Variants in ADAMTSL1 observed in about 807,000 individuals in gnomAD.
The protein encoded by ADAMTSL1 is ADAMTS like 1, also known as ADAMTS-like protein 1.
Under a neutral mutation model 201.8 loss-of-function variants are expected in ADAMTSL1, and 126 were observed. The ratio of observed to expected loss-of-function variants is 0.62; its 90% CI spans 0.54 to 0.72. The LOEUF (loss-of-function observed/expected upper bound fraction) is 0.72. ADAMTSL1 is among the 30% of genes least tolerant of loss of function. The probability of loss-of-function intolerance (pLI) is 0.00; values close to 1 mark genes in which losing one functional copy is unlikely to be tolerated. For missense variants in ADAMTSL1, 2,679 were observed against 2,277.8 expected (o/e 1.18, Z -3.59); for synonymous variants, 1,121 against 903.4 (o/e 1.24, Z -4.32).
At position 18,659,339 on chromosome 9, in the gene ADAMTSL1, T is replaced by A. The variant is rs575650148; in HGVS notation, c.946+1589T>A. 3.4e-4 allele frequency among the ~76,000 whole-genome samples: 52 copies of A among 152,374 alleles called. No individual in the cohort carries two copies. In the South Asian group the frequency reaches 0.011, roughly 31 times the overall value. On this transcript the variant is annotated intron_variant, in intron 8 of 28. Transcript: ENST00000380548. ...TGTGGTTCTATGGAGCAATGTTGGA[T>A]TTTAGCTTAAAAGAAGTCAGTAGAA...
rs533672606 is a variant in ADAMTSL1, at chr9:18,635,740, A to G, written c.602-203A>G. ...TTTTTAAAAGGCCAAATCCTCTAGG[A>G]GTTAACTAGTGACTAGCATCTTTGG... On this transcript the variant is annotated intron_variant, in intron 5 of 28. Coordinates refer to ENST00000380548, the MANE Select transcript of ADAMTSL1 (RefSeq NM_001040272.6). Among the ~76,000 whole-genome samples, 10 of 152,344 alleles carry G rather than the reference A, an allele frequency of 6.6e-5. No homozygotes were observed. The East Asian group carries it at 1.7e-3, about 26-fold the overall frequency.
At chr9:18,486,867 C>T (rs1587351325) in intron 1 of ADAMTSL1, among the ~76,000 whole-genome samples, 1 of 152,304 alleles carries the variant, frequency 6.6e-6, no homozygotes, top group East Asian at 1.9e-4. Flanking sequence ...TCTGTTTTCT[C>T]ACCAAATAGC....
chr9:18,583,302 G>T lies in ADAMTSL1; in HGVS notation c.474+9036G>T, dbSNP rs140269302. Among the ~76,000 whole-genome samples, 744 of 152,256 alleles carry T rather than the reference G, an allele frequency of 4.9e-3. 27 individuals are homozygous for T. Among genetic ancestry groups the T allele is most frequent in the Admixed American group, 0.043 (654 of 15,300 alleles). On this transcript the variant is annotated intron_variant, in intron 4 of 28. Transcript: ENST00000380548. ...TGAAAGGGGTCAAGGTAGGGCTCGG[G>T]CCGTAGCTTCAGAGGGTGCAAGCCC...
intron 1 of ADAMTSL1, among the ~76,000 whole-genome samples, chr9:18,030,969 A>G (rs559899106): frequency 4.7e-4 from 72 of 152,204 alleles, no homozygotes; most frequent in African/African-American, 1.6e-3. Flanking sequence ...AAGGCTTTCA[A>G]TTGTATTTTA....
At chr9:18,156,637 T>TACACAC (rs56324477) in intron 1 of ADAMTSL1, among the ~76,000 whole-genome samples, 5,003 of 150,316 alleles carry the variant, frequency 0.033, 126 homozygotes, top group African/African-American at 0.058. Context: ...CATAAACACA[T>TACACAC]ACACACACAC....
At position 18,411,162 on chromosome 9, in the gene ADAMTSL1, CTTTA is replaced by C. The variant is rs35217994; in HGVS notation, c.208-93635_208-93632del. On this transcript the variant is annotated intron_variant, in intron 2 of 29. Transcript: ENST00000680146. The stretch of plus-strand genomic sequence containing the variant: ...CAGGCGTGAGCCACTGCACCCAGCC[CTTTA>C]TTTATTTATTTATTTATTTATTTAT... 3.4e-3 allele frequency among the ~76,000 whole-genome samples: 487 copies of C among 142,338 alleles called. 4 individuals carry two copies. Among genetic ancestry groups the C allele is most frequent in the African/African-American group, 0.011 (401 of 37,846 alleles). The allele number at this position is 142,338 out of a possible 152,430, so 93.4% of individuals were successfully genotyped here.
At chr9:18,699,546 T>A (rs1361043864) in intron 13 of ADAMTSL1, among the ~76,000 whole-genome samples, 1 of 152,070 alleles carries the variant, frequency 6.6e-6, no homozygotes, top group Admixed American at 6.6e-5. Context: ...CCCAGGCTGG[T>A]CTCAAACTCT....
chr9:18,438,655 G>C (rs1819859458), intron 2 of ADAMTSL1, among the ~76,000 whole-genome samples: 1 of 152,156 alleles, frequency 6.6e-6, no homozygotes, highest in African/African-American at 2.4e-5. Context: ...AGCACCGCAG[G>C]CTTCCTCCTC....
At chr9:18,314,250 G>C (rs1834272465) in intron 2 of ADAMTSL1, among the ~76,000 whole-genome samples, 1 of 152,170 alleles carries the variant, frequency 6.6e-6, no homozygotes, top group Admixed American at 6.5e-5. Context: ...ATGTAAATTA[G>C]TTCAGCCAAT....
intron 1 of ADAMTSL1, among the ~76,000 whole-genome samples, chr9:17,996,028 T>C (rs1819365082): frequency 6.6e-6 from 1 of 152,042 alleles, no homozygotes; most frequent in Non-Finnish European, 1.5e-5. Flanking sequence ...TTTATAAATG[T>C]GGGTTGTTAT....
At chr9:18,764,794 AGC>A in intron 16 of ADAMTSL1, among the ~76,000 whole-genome samples, 1 of 152,348 alleles carries the variant, frequency 6.6e-6, no homozygotes, top group South Asian at 2.1e-4. Flanking sequence ...ATATCCTAAA[AGC>A]TTTATGTATA....
chr9:18,466,439 C>T (rs1159224292), intron 2 of ADAMTSL1, among the ~76,000 whole-genome samples: 1 of 152,078 alleles, frequency 6.6e-6, no homozygotes, highest in Non-Finnish European at 1.5e-5. Context: ...ACCATAATTT[C>T]AAGTAGGAAA....
At chr9:18,140,426 T>C (rs1826348281) in intron 1 of ADAMTSL1, among the ~76,000 whole-genome samples, 2 of 151,932 alleles carry the variant, frequency 1.3e-5, no homozygotes, top group Admixed American at 6.6e-5. Flanking sequence ...CATCCAAGAG[T>C]CCTGTCTCCC....
intron 1 of ADAMTSL1, among the ~76,000 whole-genome samples, chr9:18,068,628 T>G (rs1024651262): frequency 2.6e-5 from 4 of 152,044 alleles, no homozygotes; most frequent in African/African-American, 9.7e-5. Context: ...CAAGCAGAGG[T>G]TCTCAGCTGG....
At chr9:18,714,220 G>T (rs546128644) in intron 14 of ADAMTSL1, among the ~76,000 whole-genome samples, 3 of 151,768 alleles carry the variant, frequency 2.0e-5, no homozygotes, top group Admixed American at 1.3e-4. Context: ...ACATTCAAAA[G>T]CTAGCAGAAG....
At chr9:18,831,822 C>T (rs1440459256) in intron 23 of ADAMTSL1, among the ~76,000 whole-genome samples, 2 of 152,142 alleles carry the variant, frequency 1.3e-5, no homozygotes, top group Non-Finnish European at 2.9e-5. Flanking sequence ...AACTAGGAGA[C>T]TCACATGGAA....
At chr9:18,702,268 T>C (rs1831967140) in intron 13 of ADAMTSL1, among the ~76,000 whole-genome samples, 3 of 152,158 alleles carry the variant, frequency 2.0e-5, no homozygotes, top group African/African-American at 7.2e-5. Context: ...ATATCAAATA[T>C]GTTAGTTACA....
At chr9:18,088,982 C>A (rs1009690992) in intron 1 of ADAMTSL1, among the ~76,000 whole-genome samples, 2 of 152,012 alleles carry the variant, frequency 1.3e-5, no homozygotes, top group Non-Finnish European at 2.9e-5. Context: ...ATGGAAACAA[C>A]CTAAATGTCT....
chr9:18,898,663 TA>T (rs1260068647), intron 26 of ADAMTSL1, among the ~76,000 whole-genome samples: 5 of 152,232 alleles, frequency 3.3e-5, no homozygotes, highest in Non-Finnish European at 7.3e-5. Flanking sequence ...GTTGGGTCAA[TA>T]AATGTCATTC....
Sources: gnomAD v4.1 joint callset for allele counts (sites outside exome capture counted in the v4.1 genomes callset) on GRCh38, gnomAD v4.1.1 for gene constraint, MANE v1.5 for transcripts, NCBI Gene and HGNC (gene_info 2026-07-23, HGNC 2026-07-21) for gene names.